The following SPON1 variants were observed in gnomAD, a reference collection of about 807,000 sequenced individuals.
The protein encoded by SPON1 is spondin 1.
A neutral mutation model predicts 111.7 loss-of-function variants in SPON1; 52 were observed. That is an observed-to-expected ratio of 0.47 (90% CI 0.37 to 0.59). The LOEUF is 0.59. SPON1 is among the 20% of genes least tolerant of loss of function. SPON1 has a pLI of 0.00. For synonymous variants in SPON1, 410 were observed against 395.8 expected, an observed-to-expected ratio of 1.04 and a Z score of -0.43; for missense variants, 957 against 1,068.5, an observed-to-expected ratio of 0.90 and a Z score of 1.46.
At chr11:14,199,949 C>T (rs1554935441) in intron 6 of SPON1, among the ~76,000 whole-genome samples, 1 of 152,220 alleles carries the variant, frequency 6.6e-6, no homozygotes, top group Non-Finnish European at 1.5e-5. Context: ...GTTCATCAGC[C>T]TATTCCAAAC....
intron 6 of SPON1, among the ~76,000 whole-genome samples, chr11:14,241,706 T>C (rs1327367600): frequency 6.6e-6 from 1 of 152,012 alleles, no homozygotes; most frequent in East Asian, 1.9e-4. Context: ...AGGAGACAGA[T>C]AGGTTGTGTT....
chr11:14,034,234 TAAA>T (rs1335983362), intron 2 of SPON1, among the ~76,000 whole-genome samples: 4 of 152,130 alleles, frequency 2.6e-5, no homozygotes, highest in Non-Finnish European at 5.9e-5. Context: ...ACAAAGGAAA[TAAA>T]AATCACCCAT....
intron 6 of SPON1, among the ~76,000 whole-genome samples, chr11:14,242,614 T>C (rs942539072): frequency 3.9e-5 from 6 of 152,266 alleles, no homozygotes; most frequent in Admixed American, 1.3e-4. Context: ...AACCTCAAAG[T>C]TGAGCAAAAT....
At chr11:14,084,338 C>T (rs1335091137) in intron 5 of SPON1, among the ~76,000 whole-genome samples, 1 of 152,112 alleles carries the variant, frequency 6.6e-6, no homozygotes, top group Non-Finnish European at 1.5e-5. Context: ...GTGATGTTCC[C>T]CTCCCTGTGT....
chr11:14,179,302 A>G (rs1554933480), intron 6 of SPON1, among the ~76,000 whole-genome samples: 4 of 152,294 alleles, frequency 2.6e-5, no homozygotes, highest in South Asian at 2.1e-4. Context: ...TTCCACATAA[A>G]AGGGTCAAGA....
intron 7 of SPON1, among the ~76,000 whole-genome samples, chr11:14,245,042 G>A (rs1848973428): frequency 6.6e-6 from 1 of 152,164 alleles, no homozygotes; most frequent in African/African-American, 2.4e-5. Context: ...CCCCTCTAGG[G>A]AGTAGTCTAC....
intron 6 of SPON1, among the ~76,000 whole-genome samples, chr11:14,139,916 G>A (rs1554928587): frequency 1.3e-5 from 2 of 152,054 alleles, no homozygotes; most frequent in Non-Finnish European, 2.9e-5. Flanking sequence ...GCCTGTGGGA[G>A]AACATAACTT....
chr11:14,112,367 A>G (rs1223569603), intron 5 of SPON1, among the ~76,000 whole-genome samples: 1 of 152,202 alleles, frequency 6.6e-6, no homozygotes, highest in African/African-American at 2.4e-5. Flanking sequence ...TAACAAGACC[A>G]TTACATCTAA....
chr11:14,169,263 C>A (rs2133880589), intron 6 of SPON1, among the ~76,000 whole-genome samples: 1 of 152,284 alleles, frequency 6.6e-6, no homozygotes, highest in East Asian at 1.9e-4. Context: ...TCATGATAAG[C>A]ATTTTTTCAT....
intron 3 of SPON1, among the ~76,000 whole-genome samples, chr11:14,048,354 G>A (rs981045546): frequency 2.0e-5 from 3 of 152,330 alleles, no homozygotes; most frequent in Non-Finnish European, 2.9e-5. Context: ...AGGAGCATTT[G>A]TGTTGTGGTG....
At chr11:14,001,019 T>C (rs1528664) in intron 2 of SPON1, among the ~76,000 whole-genome samples, 4,611 of 152,196 alleles carry the variant, frequency 0.03, 245 homozygotes, top group African/African-American at 0.1. Context: ...TGTCCTCATA[T>C]GAAAAAAAGC....
intron 6 of SPON1, among the ~76,000 whole-genome samples, chr11:14,199,645 T>C (rs1554935412): frequency 6.6e-6 from 1 of 152,232 alleles, no homozygotes; most frequent in African/African-American, 2.4e-5. Flanking sequence ...GGCACCCTCC[T>C]GCTTAAATTC....
At chr11:13,966,649 C>A (rs1848018296) in intron 1 of SPON1, among the ~76,000 whole-genome samples, 2 of 152,276 alleles carry the variant, frequency 1.3e-5, no homozygotes, top group South Asian at 4.2e-4. Context: ...TTGGAGACCT[C>A]CAAAGCTGCA....
intron 3 of SPON1, among the ~76,000 whole-genome samples, chr11:14,042,971 T>A (rs575845729): frequency 2.6e-5 from 4 of 152,352 alleles, no homozygotes; most frequent in African/African-American, 9.6e-5. Flanking sequence ...TTCCTCAGAT[T>A]CCTTGAGCAG....
At chr11:14,218,445 T>G (rs2133905373) in intron 6 of SPON1, among the ~76,000 whole-genome samples, 1 of 152,294 alleles carries the variant, frequency 6.6e-6, no homozygotes, top group East Asian at 1.9e-4. Flanking sequence ...GTCCCCCTGA[T>G]AAAATATGAT....
chr11:14,079,049 A>G (rs145906696), intron 4 of SPON1, among the ~76,000 whole-genome samples: 1 of 152,332 alleles, frequency 6.6e-6, no homozygotes, highest in East Asian at 1.9e-4. Context: ...AGAGGAAGTG[A>G]AAAAAAGCAA....
At chr11:14,103,102 G>T (rs1172582147) in intron 5 of SPON1, among the ~76,000 whole-genome samples, 7 of 152,140 alleles carry the variant, frequency 4.6e-5, no homozygotes, top group African/African-American at 1.7e-4. Context: ...GCCCCTTCTG[G>T]TGTGTATAAG....
At chr11:13,973,485 A>G (rs1404390382) in intron 1 of SPON1, among the ~76,000 whole-genome samples, 1 of 152,196 alleles carries the variant, frequency 6.6e-6, no homozygotes, top group African/African-American at 2.4e-5. Flanking sequence ...TGTTCAGCTC[A>G]GGACCCATTC....
chr11:14,218,881 G>C (rs965946069), intron 6 of SPON1, among the ~76,000 whole-genome samples: 4 of 152,176 alleles, frequency 2.6e-5, no homozygotes, highest in African/African-American at 9.7e-5. Context: ...TGACAATTTG[G>C]ATACAATAAC....
Sources: gnomAD v4.1 joint callset for allele counts (sites outside exome capture counted in the v4.1 genomes callset) on GRCh38, gnomAD v4.1.1 for gene constraint, MANE v1.5 for transcripts, NCBI Gene and HGNC (gene_info 2026-07-23, HGNC 2026-07-21) for gene names.